The following PIP5K1A variants were observed in gnomAD, a reference collection of about 807,000 sequenced individuals.
PIP5K1A encodes the protein phosphatidylinositol 4-phosphate 5-kinase type-1 alpha.
In PIP5K1A, 46 loss-of-function variants were observed where a neutral mutation model predicts 72.9. The ratio of observed to expected loss-of-function variants is 0.63; its 90% CI spans 0.50 to 0.81. PIP5K1A has a LOEUF of 0.81. Among genes scored for constraint, PIP5K1A ranks in the 30% least tolerant of loss-of-function variants. The probability of loss-of-function intolerance (pLI) is 0.00; values close to 1 mark genes in which losing one functional copy is unlikely to be tolerated. For synonymous variants in PIP5K1A, 228 were observed against 255.1 expected, an observed-to-expected ratio of 0.89 and a Z score of 1.01; for missense variants, 458 against 706.1, an observed-to-expected ratio of 0.65 and a Z score of 3.98.
intron 1 of PIP5K1A, among the ~76,000 whole-genome samples, chr1:151,215,621 C>T (rs914819905): frequency 1.3e-5 from 2 of 152,134 alleles, no homozygotes; most frequent in Non-Finnish European, 2.9e-5. Context: ...CCTCTGCGCC[C>T]GGCATTCTTT....
chr1:151,236,817 TTTTC>T, intron 9 of PIP5K1A, 54 bp downstream of exon 9: 3 of 1,011,010 alleles, frequency 3.0e-6, no homozygotes, highest in South Asian at 1.6e-5. Context: ...AGCACTTTTC[TTTTC>T]TTTTTTTTTT....
intron 11 of PIP5K1A, among the ~76,000 whole-genome samples, chr1:151,239,418 G>T (rs766568316): frequency 2.6e-5 from 4 of 151,830 alleles, no homozygotes; most frequent in Non-Finnish European, 5.9e-5. Context: ...GACCACAGGC[G>T]CGTGCCACCA....
rs190698618 is a variant in PIP5K1A, at chr1:151,228,586, A to G, written c.237+1186A>G. Among the ~76,000 whole-genome samples the G allele has an allele frequency of 4.7e-4, 71 of 152,290 alleles. 1 individual carries two copies. Among genetic ancestry groups the G allele is most frequent in the African/African-American group, 1.7e-3 (69 of 41,570 alleles). On this transcript the variant is annotated intron_variant, in intron 4 of 15. Transcript: ENST00000368888. ...GTGGAAATTGGGCTGGTGAAGGGAA[A>G]ACAGAAGCATCCTGGATCCTTGAGG... is the stretch of plus-strand genomic sequence containing the variant.
chr1:151,247,202 AC>A (rs1421554807), intron 15 of PIP5K1A, among the ~76,000 whole-genome samples: 1 of 151,816 alleles, frequency 6.6e-6, no homozygotes, highest in South Asian at 2.1e-4. Context: ...ATCTCAGCTC[AC>A]CTGCAACCTC....
At chr1:151,222,387 TTATTC>T (rs1688511098) in intron 1 of PIP5K1A, among the ~76,000 whole-genome samples, 2 of 152,224 alleles carry the variant, frequency 1.3e-5, no homozygotes, top group South Asian at 4.1e-4. Flanking sequence ...CGTCTCATCT[TTATTC>T]TAGGTATTTT....
In PIP5K1A at chr1:151,248,749, T is replaced by A. The variant is rs1692825165; in HGVS notation, c.*884T>A. ...TATTACTATTTTGCAATTTGAAATA[T>A]ATTCTGGTTGTTTTTCTAAATGTGA... On this transcript the variant is annotated 3_prime_UTR_variant, in exon 16 of 16. Transcript: ENST00000368888. 1 of 152,752 alleles carries A rather than the reference T, an allele frequency of 6.5e-6. No homozygotes were observed. The allele number at this position is 152,752 out of a possible 1,614,324, so 9.5% of individuals were successfully genotyped here.
intron 1 of PIP5K1A, among the ~76,000 whole-genome samples, chr1:151,219,233 T>C (rs1469178590): frequency 1.3e-5 from 2 of 151,410 alleles, no homozygotes; most frequent in Non-Finnish European, 2.9e-5. Context: ...ATACAAAAAT[T>C]AGCCAGGTGT....
At chr1:151,223,330 A>C (rs587683266) in intron 1 of PIP5K1A, among the ~76,000 whole-genome samples, 1 of 143,316 alleles carries the variant, frequency 7.0e-6, no homozygotes, top group Non-Finnish European at 1.5e-5. Flanking sequence ...AGCCTCGGTG[A>C]CCAGCAAAAC....
At chr1:151,212,951 C>T (rs1243992567) in intron 1 of PIP5K1A, among the ~76,000 whole-genome samples, 10 of 141,486 alleles carry the variant, frequency 7.1e-5, no homozygotes, top group African/African-American at 2.7e-4. Context: ...AGTGCAGTGG[C>T]GTGATCTCGG....
At chr1:151,200,052 G>A (rs1685002072) in intron 1 of PIP5K1A, among the ~76,000 whole-genome samples, 1 of 151,960 alleles carries the variant, frequency 6.6e-6, no homozygotes, top group Non-Finnish European at 1.5e-5. Context: ...AAATTTTGAA[G>A]AGAGTCTAAG....
intron 7 of PIP5K1A, chr1:151,233,897 T>A (rs1156757123): frequency 9.0e-6 from 3 of 334,518 alleles, no homozygotes; most frequent in Non-Finnish European, 1.7e-5. Flanking sequence ...AAGAATATAC[T>A]ATACCCAGGG....
intron 3 of PIP5K1A, among the ~76,000 whole-genome samples, chr1:151,224,998 G>A (rs1418379091): frequency 1.3e-5 from 2 of 152,086 alleles, no homozygotes; most frequent in African/African-American, 2.4e-5. Context: ...CTGGTACTAA[G>A]GGCCTTGGCT....
chr1:151,213,942 A>T (rs912288735), intron 1 of PIP5K1A, among the ~76,000 whole-genome samples: 1 of 152,206 alleles, frequency 6.6e-6, no homozygotes, highest in Non-Finnish European at 1.5e-5. Context: ...TACTCCCACT[A>T]TCAGGAAATG....
chr1:151,221,572 C>CT (rs1276089930), intron 1 of PIP5K1A, among the ~76,000 whole-genome samples: 2 of 152,138 alleles, frequency 1.3e-5, no homozygotes, highest in Non-Finnish European at 2.9e-5. Context: ...TCAAGATTCT[C>CT]AGACAAAATA....
At chr1:151,235,612 G>A (rs587671807) in intron 8 of PIP5K1A, among the ~76,000 whole-genome samples, 10 of 152,162 alleles carry the variant, frequency 6.6e-5, no homozygotes, top group African/African-American at 2.4e-4. Flanking sequence ...GTCATACAAG[G>A]TCCTACCACA....
At chr1:151,215,115 C>T (rs930727693) in intron 1 of PIP5K1A, among the ~76,000 whole-genome samples, 2 of 150,852 alleles carry the variant, frequency 1.3e-5, no homozygotes, top group African/African-American at 2.4e-5. Context: ...ACTGTATCCT[C>T]CGCCTCCCGG....
chr1:151,224,867 T>G (rs967025613), intron 3 of PIP5K1A, among the ~76,000 whole-genome samples: 1 of 152,174 alleles, frequency 6.6e-6, no homozygotes, highest in Non-Finnish European at 1.5e-5. Context: ...TCTTCTCACT[T>G]CTTGCCTCTC....
At chr1:151,217,562 T>A (rs1687819717) in intron 1 of PIP5K1A, among the ~76,000 whole-genome samples, 1 of 152,120 alleles carries the variant, frequency 6.6e-6, no homozygotes, top group Non-Finnish European at 1.5e-5. Context: ...TCAGAAGCAT[T>A]TTAATTTTAT....
chr1:151,212,859 C>T (rs1238324633), intron 1 of PIP5K1A, among the ~76,000 whole-genome samples: 1 of 148,164 alleles, frequency 6.7e-6, no homozygotes, highest in Non-Finnish European at 1.5e-5. Context: ...ACGCGTGAGC[C>T]ACCGTGCCTG....
Sources: gnomAD v4.1 joint callset for allele counts (sites outside exome capture counted in the v4.1 genomes callset) on GRCh38, gnomAD v4.1.1 for gene constraint, MANE v1.5 for transcripts, NCBI Gene and HGNC (gene_info 2026-07-23, HGNC 2026-07-21) for gene names.